The following HELLS variants were observed in gnomAD, a reference collection of about 807,000 sequenced individuals.
The protein encoded by HELLS is lymphoid-specific helicase.
A neutral mutation model predicts 120.0 loss-of-function variants in HELLS; 32 were observed. That is an observed-to-expected ratio of 0.27 (90% CI 0.20 to 0.36). The LOEUF (loss-of-function observed/expected upper bound fraction) is 0.36. Among genes scored for constraint, HELLS ranks in the 10% least tolerant of loss-of-function variants. The pLI is 1.00. For missense variants in HELLS, 650 were observed against 993.4 expected (o/e 0.65, Z 4.65); for synonymous variants, 341 against 323.4 (o/e 1.05, Z -0.58).
At chr10:94,550,433 C>G (rs1268545399) in intron 2 of HELLS, among the ~76,000 whole-genome samples, 1 of 152,138 alleles carries the variant, frequency 6.6e-6, no homozygotes, top group African/African-American at 2.4e-5. Context: ...CGCGTGCCAC[C>G]ACGCCCAGCT....
chr10:94,594,678 T>G lies in HELLS; in HGVS notation c.2089-17T>G. ...AACCTAATACCGTTAAATATTATTT[T>G]TCTTTTTAACTTTAAGAACCCCCAG... On this transcript the variant is annotated splice_polypyrimidine_tract_variant and intron_variant, in intron 18 of 21. Transcript: ENST00000348459. 6.3e-7 allele frequency: 1 copy of G among 1,579,104 alleles called. No homozygotes were observed. Among genetic ancestry groups the G allele is most frequent in the Non-Finnish European group, 8.6e-7 (1 of 1,163,604 alleles).
downstream of HELLS, among the ~76,000 whole-genome samples, chr10:94,606,885 A>T (rs77293372): frequency 0.011 from 1,720 of 152,306 alleles, 20 homozygotes; most frequent in Non-Finnish European, 0.015. Context: ...TAGACCATTT[A>T]TTTGAGGGTC....
intron 15 of HELLS, 99 bp downstream of exon 15, chr10:94,590,875 A>G (rs1425557261): frequency 4.6e-6 from 3 of 652,262 alleles, no homozygotes; most frequent in Admixed American, 3.7e-5. Context: ...AAAAATAAGT[A>G]TGGTGCTATT....
In HELLS at chr10:94,562,672, C is replaced by T. The variant is rs188955699; in HGVS notation, c.334-19C>T. ...GAAGGTCCTTAATAAAATCAATATT[C>T]TGAATCCTTGTTTTGTAGGGTAAAA... On this transcript the variant is annotated intron_variant, in intron 4 of 21. Coordinates refer to ENST00000348459, the MANE Select transcript of HELLS (RefSeq NM_018063.5). 474 of 1,543,370 alleles carry T rather than the reference C, an allele frequency of 3.1e-4. 2 individuals are homozygous for T. The East Asian group carries it at 8.9e-3, about 29-fold the overall frequency.
chr10:94,577,208 A>G (rs1043175398), intron 10 of HELLS: 8 of 297,768 alleles, frequency 2.7e-5, no homozygotes, highest in Admixed American at 9.9e-5. Flanking sequence ...TTTCGTTTCT[A>G]TTTTCTTGAT....
At position 94,545,964 on chromosome 10, in the gene HELLS, A is replaced by G. The variant is rs1842732408; in HGVS notation, c.31+12A>G. On this transcript the variant is annotated intron_variant, in intron 1 of 21. Transcript: ENST00000348459. ...CGCGGGCAGCGGCGGTGAGTGAGGA[A>G]AACCTTTTGGGCGCGGGTGGCAGCC... 1 of 1,555,946 alleles carries G rather than the reference A, an allele frequency of 6.4e-7. No homozygotes were observed. Among genetic ancestry groups the G allele is most frequent in the Non-Finnish European group, 8.7e-7 (1 of 1,149,214 alleles).
intron 15 of HELLS, among the ~76,000 whole-genome samples, chr10:94,591,736 G>A (rs1845500164): frequency 6.6e-6 from 1 of 152,168 alleles, no homozygotes; most frequent in Admixed American, 6.5e-5. Context: ...TAAGAAGGAA[G>A]ACAAAACTTT....
chr10:94,576,908 G>A, intron 10 of HELLS, 103 bp downstream of exon 10: 3 of 1,031,160 alleles, frequency 2.9e-6, no homozygotes, highest in Non-Finnish European at 4.2e-6. Context: ...ATTTTTTTTT[G>A]TTGTCGAAAT....
chr10:94,546,344 A>C (rs1180678671), intron 1 of HELLS, 33 bp from the exon 2 acceptor site: 1 of 1,613,334 alleles, frequency 6.2e-7, no homozygotes, highest in Admixed American at 1.7e-5. Flanking sequence ...AATTTTTTTA[A>C]AACTGCAATT....
At position 94,574,771 on chromosome 10, in the gene HELLS, T is replaced by C. The variant is rs757659679; in HGVS notation, c.888+35T>C. The C allele has an allele frequency of 2.0e-6, 3 of 1,516,802 alleles. No individual in the cohort carries two copies. The East Asian group carries it at 6.8e-5, about 34-fold the overall frequency. 94.0% of individuals were successfully genotyped at this position (1,516,802 alleles called of 1,614,324 possible). On this transcript the variant is annotated intron_variant, in intron 9 of 21. Transcript: ENST00000348459. ...GCTTCCTTATGTTAAAATTATAATT[T>C]TACATGTTTTCTTATGCTTTGTTGT...
intron 4 of HELLS, among the ~76,000 whole-genome samples, chr10:94,559,752 G>A (rs1843457550): frequency 6.6e-6 from 1 of 151,802 alleles, no homozygotes; most frequent in African/African-American, 2.4e-5. Context: ...CTGGCCCTGA[G>A]TTCAATATTA....
chr10:94,585,213 AT>A (rs1269062328), intron 12 of HELLS, among the ~76,000 whole-genome samples: 2 of 151,784 alleles, frequency 1.3e-5, no homozygotes, highest in Non-Finnish European at 2.9e-5. Context: ...ATTATTTAAA[AT>A]TTTTTATTTT....
intron 2 of HELLS, among the ~76,000 whole-genome samples, chr10:94,552,456 T>G (rs1251274904): frequency 1.3e-5 from 2 of 152,248 alleles, no homozygotes; most frequent in Non-Finnish European, 2.9e-5. Context: ...TCCTGAAATC[T>G]GACTTCTCCA....
chr10:94,576,219 G>A (rs7924292), intron 9 of HELLS, among the ~76,000 whole-genome samples: 5,185 of 152,192 alleles, frequency 0.034, 261 homozygotes, highest in African/African-American at 0.11. Context: ...GCTCATGTGA[G>A]CCTGCTATCT....
At position 94,601,680 on chromosome 10, in the gene HELLS, A is replaced by G. The variant is rs2134139400; in HGVS notation, c.*58A>G. The G allele has an allele frequency of 1.1e-6, 1 of 898,142 alleles. No individual in the cohort carries two copies. 55.6% of individuals were successfully genotyped at this position (898,142 alleles called of 1,614,324 possible). ...TATTTACATCTAGTGATTTCCCTGT[A>G]TTGGGTTTGAAATACTGATTGTCCA... On this transcript the variant is annotated 3_prime_UTR_variant, in exon 22 of 22. Coordinates refer to ENST00000348459, the MANE Select transcript of HELLS (RefSeq NM_018063.5).
intron 19 of HELLS, among the ~76,000 whole-genome samples, chr10:94,595,424 T>C (rs1845693763): frequency 6.6e-6 from 1 of 152,182 alleles, no homozygotes; most frequent in Admixed American, 6.5e-5. Context: ...ATTGGCTTGC[T>C]AAAAGTTTTA....
chr10:94,590,267 T>C, intron 13 of HELLS, 146 bp from the exon 14 acceptor site: 1 of 687,712 alleles, frequency 1.5e-6, no homozygotes, highest in South Asian at 2.2e-5. Context: ...TTGTTGTCCA[T>C]GTTAAAATTA....
At chr10:94,573,396 G>A (rs1844276882) in intron 7 of HELLS, among the ~76,000 whole-genome samples, 2 of 152,236 alleles carry the variant, frequency 1.3e-5, no homozygotes, top group African/African-American at 2.4e-5. Context: ...CAATTCTAAT[G>A]ATCTTTTCAA....
intron 6 of HELLS, among the ~76,000 whole-genome samples, chr10:94,568,331 A>G (rs1479231079): frequency 6.6e-6 from 1 of 152,106 alleles, no homozygotes; most frequent in Non-Finnish European, 1.5e-5. Context: ...GCACAAAGCA[A>G]ACAATTTATC....
Sources: gnomAD v4.1 joint callset for allele counts (sites outside exome capture counted in the v4.1 genomes callset) on GRCh38, gnomAD v4.1.1 for gene constraint, MANE v1.5 for transcripts, NCBI Gene and HGNC (gene_info 2026-07-23, HGNC 2026-07-21) for gene names.